The following VTI1A variants were observed in gnomAD, a reference collection of about 807,000 sequenced individuals.
VTI1A encodes vesicle transport through interaction with t-SNAREs homolog 1A.
In VTI1A, 22 loss-of-function variants were observed where a neutral mutation model predicts 34.9. The ratio of observed to expected loss-of-function variants is 0.63; its 90% CI spans 0.45 to 0.90. VTI1A has a LOEUF of 0.90. Among genes scored for constraint, VTI1A ranks in the 40% least tolerant of loss-of-function variants. The pLI is 0.00. For missense variants in VTI1A, 268 were observed against 275.6 expected, an observed-to-expected ratio of 0.97 and a Z score of 0.20; for synonymous variants, 87 against 97.3, an observed-to-expected ratio of 0.89 and a Z score of 0.62.
chr10:112,642,848 A>C (rs758081311), intron 5 of VTI1A, among the ~76,000 whole-genome samples: 4 of 152,184 alleles, frequency 2.6e-5, no homozygotes, highest in Non-Finnish European at 5.9e-5. Context: ...AATTGAGTCC[A>C]GAGGAGGGAA....
chr10:112,679,889 C>T (rs1470247509), intron 7 of VTI1A, among the ~76,000 whole-genome samples: 2 of 152,114 alleles, frequency 1.3e-5, no homozygotes, highest in Non-Finnish European at 2.9e-5. Context: ...TGGTTCCTAT[C>T]CTGGAGTGGG....
intron 7 of VTI1A, among the ~76,000 whole-genome samples, chr10:112,679,018 G>T (rs1270684192): frequency 2.0e-5 from 3 of 152,070 alleles, no homozygotes; most frequent in Non-Finnish European, 4.4e-5. Context: ...TTATTATGCG[G>T]CAATTGATAA....
intron 4 of VTI1A, among the ~76,000 whole-genome samples, chr10:112,530,393 G>T (rs1175703442): frequency 6.6e-6 from 1 of 152,124 alleles, no homozygotes; most frequent in Non-Finnish European, 1.5e-5. Flanking sequence ...AACATTAATA[G>T]TTCATAACTT....
At chr10:112,523,087 A>G (rs1487153338) in intron 3 of VTI1A, among the ~76,000 whole-genome samples, 1 of 152,070 alleles carries the variant, frequency 6.6e-6, no homozygotes, top group African/African-American at 2.4e-5. Flanking sequence ...ACAGTTTTTA[A>G]TTAGTTTAAG....
At position 112,750,517 on chromosome 10, in the gene VTI1A, T is replaced by A. The variant is rs116322853; in HGVS notation, c.561-64773T>A. On this transcript the variant is annotated intron_variant, in intron 7 of 7. Coordinates refer to ENST00000393077, the MANE Select transcript of VTI1A (RefSeq NM_145206.4). ...GTGAGCCACCACACCTAGCCAAGACTGATTTTTAAATCTGTGTCTTGTGCA... is the reference window on the plus strand; with the variant it reads ...GTGAGCCACCACACCTAGCCAAGACAGATTTTTAAATCTGTGTCTTGTGCA... Among the ~76,000 whole-genome samples the A allele has an allele frequency of 2.3e-3, 350 of 152,282 alleles. 4 individuals carry two copies. Among genetic ancestry groups the A allele is most frequent in the African/African-American group, 8.0e-3 (332 of 41,548 alleles).
At chr10:112,571,595 A>G (rs1027649369) in intron 5 of VTI1A, among the ~76,000 whole-genome samples, 2 of 152,174 alleles carry the variant, frequency 1.3e-5, no homozygotes, top group Non-Finnish European at 1.5e-5. Flanking sequence ...TCAAAGAACT[A>G]AGAGTTGAAC....
intron 5 of VTI1A, among the ~76,000 whole-genome samples, chr10:112,585,352 G>A: frequency 6.6e-6 from 1 of 152,096 alleles, no homozygotes; most frequent in Non-Finnish European, 1.5e-5. Context: ...ACATGATTTT[G>A]TACTTTTTGC....
At chr10:112,484,606 T>A (rs998743358) in intron 3 of VTI1A, among the ~76,000 whole-genome samples, 1 of 152,080 alleles carries the variant, frequency 6.6e-6, no homozygotes, top group African/African-American at 2.4e-5. Context: ...CGATTTTCAC[T>A]TACTTAATTA....
chr10:112,713,028 AC>A (rs1849481804), intron 7 of VTI1A, among the ~76,000 whole-genome samples: 1 of 151,696 alleles, frequency 6.6e-6, no homozygotes, highest in African/African-American at 2.4e-5. Flanking sequence ...CTGATATAGG[AC>A]CCCGTTCTAG....
chr10:112,611,481 C>T (rs1437598668), intron 5 of VTI1A, among the ~76,000 whole-genome samples: 1 of 152,102 alleles, frequency 6.6e-6, no homozygotes, highest in East Asian at 1.9e-4. Flanking sequence ...GTAAAATGTA[C>T]TTGTGTATGA....
At chr10:112,555,108 A>AT (rs1352838929) in intron 5 of VTI1A, among the ~76,000 whole-genome samples, 8 of 152,208 alleles carry the variant, frequency 5.3e-5, no homozygotes, top group South Asian at 2.1e-4. Flanking sequence ...GAGATTATAG[A>AT]TTTTTTCCCT....
chr10:112,526,580 A>G (rs905037406), intron 3 of VTI1A, among the ~76,000 whole-genome samples: 14 of 152,180 alleles, frequency 9.2e-5, no homozygotes, highest in African/African-American at 3.1e-4. Context: ...ACAATAATGA[A>G]AGAAATATAG....
intron 1 of VTI1A, among the ~76,000 whole-genome samples, chr10:112,455,429 CT>C (rs1390523610): frequency 7.4e-4 from 1 of 1,358 alleles, no homozygotes; most frequent in African/African-American, 3.0e-3. Context: ...TCCCCCTTCC[CT>C]TCTTCCCTCC....
At chr10:112,821,352 C>A (rs921284742), downstream of VTI1A, among the ~76,000 whole-genome samples, 1 of 152,176 alleles carries the variant, frequency 6.6e-6, no homozygotes, top group Non-Finnish European at 1.5e-5. Context: ...CGGCCTCCCC[C>A]AGGTGTGTTC....
At chr10:112,704,316 T>C (rs1199275007) in intron 7 of VTI1A, among the ~76,000 whole-genome samples, 2 of 152,234 alleles carry the variant, frequency 1.3e-5, no homozygotes, top group Non-Finnish European at 2.9e-5. Context: ...CCCTTTCAAA[T>C]AGTCTTTTCT....
intron 5 of VTI1A, among the ~76,000 whole-genome samples, chr10:112,540,523 T>A (rs1850826659): frequency 6.6e-6 from 1 of 152,228 alleles, no homozygotes; most frequent in Admixed American, 6.5e-5. Context: ...AGCCTGTACA[T>A]GGACGGGAGT....
Position 112,720,452 on chromosome 10 carries a change from A to C in VTI1A, c.560+51454A>C, listed in dbSNP as rs562168500. On this transcript the variant is annotated intron_variant, in intron 7 of 7. Transcript: ENST00000393077. ...TGGTGGCTTTGGTTTGCATTTCCCT[A>C]ATGTCTAGATGTTGAACATTTTTTC... Among the ~76,000 whole-genome samples the C allele has an allele frequency of 5.3e-5, 8 of 152,178 alleles. 1 individual carries two copies. Among genetic ancestry groups the C allele is most frequent in the African/African-American group, 1.9e-4 (8 of 41,512 alleles).
chr10:112,527,003 G>A (rs1030958101), intron 3 of VTI1A, 84 bp from the exon 4 acceptor site: 2 of 1,380,586 alleles, frequency 1.4e-6, no homozygotes, highest in Non-Finnish European at 2.0e-6. Context: ...CGAGGTTTGA[G>A]ATCAGCCTTG....
intron 3 of VTI1A, among the ~76,000 whole-genome samples, chr10:112,496,395 C>T (rs1224504790): frequency 6.6e-6 from 1 of 151,964 alleles, no homozygotes. Context: ...CATGGTGAAA[C>T]TCTATCTCTA....
Sources: allele counts gnomAD v4.1 joint callset (sites outside exome capture counted in the v4.1 genomes callset), GRCh38; gene constraint gnomAD v4.1.1; transcripts MANE v1.5; gene names NCBI Gene and HGNC (gene_info 2026-07-23, HGNC 2026-07-21).